EPPK1: variants seen among roughly 807,000 people sequenced by gnomAD.
EPPK1 encodes the protein epiplakin 1.
For missense variants in EPPK1, 3,823 were observed against 3,673.3 expected, an observed-to-expected ratio of 1.04 and a Z score of -1.05; for synonymous variants, 1,862 against 1,721.2, an observed-to-expected ratio of 1.08 and a Z score of -2.03.
At position 143,872,371 on chromosome 8, in the gene EPPK1, C is replaced by G. The variant is rs369129283; in HGVS notation, c.883G>C (p.Glu295Gln). The change falls in exon 2 of 2, where the codon GAA becomes CAA. Residue 295 changes from glutamate to glutamine, a missense_variant. Transcript: ENST00000615648. ...GSVAGVVLLP[E>Q]GHKKSFFQAA... ...TGGAAAAAGCTCTTCTTGTGGCCTTCGGGCAGCAGGACAACCCCGGCCACG... is the reference window on the plus strand; with the variant it reads ...TGGAAAAAGCTCTTCTTGTGGCCTTGGGGCAGCAGGACAACCCCGGCCACG... The G allele has an allele frequency of 3.7e-6, 6 of 1,604,650 alleles. No individual in the cohort carries two copies. The highest frequency in any genetic ancestry group is 4.2e-6 in the Non-Finnish European group (5 of 1,178,942).
At position 143,868,972 on chromosome 8, in the gene EPPK1, C is replaced by A. The variant is rs376369201; in HGVS notation, c.4282G>T (p.Gly1428Ter). ...RERCVCDSET[G>*]LLLLPLPSDT... ...GAGGGCAGTGGCAACAGCAACAATC[C>A]GGTCTCGGAGTCGCACACGCAGCGC... is the stretch of plus-strand genomic sequence containing the variant. The change falls in exon 2 of 2, where the codon GGA becomes TGA. Residue 1428 changes from glycine (G) to a stop codon, truncating the protein, a stop_gained. Transcript: ENST00000615648. LOFTEE classifies it low-confidence loss of function (END_TRUNC). 1 of 1,610,286 alleles carries A rather than the reference C, an allele frequency of 6.2e-7. No homozygotes were observed. Among genetic ancestry groups the A allele is most frequent in the South Asian group, 1.1e-5 (1 of 91,084 alleles).
chr8:143,868,447 C>A lies in EPPK1; in HGVS notation c.4807G>T (p.Val1603Leu). ...RHILRPGTAL[V>L]LLEAQAATGF... ...GTAGCTGCCTGTGCCTCCAGCAGCACCAGGGCTGTGCCAGGCCGCAGGATG... is the reference window on the plus strand; with the variant it reads ...GTAGCTGCCTGTGCCTCCAGCAGCAACAGGGCTGTGCCAGGCCGCAGGATG... Residue 1603 changes from valine (V) to leucine (L), a missense_variant, in exon 2 of 2, where the codon GTG becomes TTG. Transcript: ENST00000615648. The A allele has an allele frequency of 6.2e-7, 1 of 1,612,580 alleles. No homozygotes were observed. Among genetic ancestry groups the A allele is most frequent in the Non-Finnish European group, 8.5e-7 (1 of 1,179,792 alleles).
chr8:143,870,079 G>T lies in EPPK1; in HGVS notation c.3175C>A (p.Pro1059Thr). The T allele has an allele frequency of 6.2e-7, 1 of 1,610,742 alleles. No homozygotes were observed. Among genetic ancestry groups the T allele is most frequent in the South Asian group, 1.1e-5 (1 of 90,576 alleles). ...CCACGCTGAATGGCCACTGGCATGG[G>T]GAGGTGGTGGTGGCTGGTGGGGTCA... is the stretch of plus-strand genomic sequence containing the variant. ...IIDPTSHHHL[P>T]MPVAIQRGYV... The change falls in exon 2 of 2, where the codon CCC (proline) becomes ACC (threonine). Residue 1059 changes from proline to threonine, a missense_variant. Coordinates refer to ENST00000615648, the MANE Select transcript of EPPK1 (RefSeq NM_031308.4). The surrounding 1 kb of genome is among the most constrained non-coding windows in gnomAD (Gnocchi z 5.2).
rs10464954 is a variant in EPPK1, at chr8:143,874,636, G to A, written c.-45-1338C>T. ...CTCGCCTTCCGGCTTCTGGCCTCTA[G>A]AGCTGTGAGAGCAATTTCCTGCTCT... On this transcript the variant is annotated intron_variant, in intron 1 of 1. Coordinates refer to ENST00000615648, the MANE Select transcript of EPPK1 (RefSeq NM_031308.4). Among the ~76,000 whole-genome samples, 135 of 152,312 alleles carry A rather than the reference G, an allele frequency of 8.9e-4. 2 individuals are homozygous for A. The East Asian group carries it at 0.023, about 26-fold the overall frequency.
chr8:143,875,624 T>C (rs1235037123), intron 1 of EPPK1, among the ~76,000 whole-genome samples: 2 of 152,216 alleles, frequency 1.3e-5, no homozygotes, highest in Non-Finnish European at 2.9e-5. Flanking sequence ...TGGAGAAAGC[T>C]CACAAGAGGC....
chr8:143,876,721 C>A (rs577713576), intron 1 of EPPK1, among the ~76,000 whole-genome samples: 1 of 152,376 alleles, frequency 6.6e-6, no homozygotes, highest in South Asian at 2.1e-4. Flanking sequence ...CCTAAGGCAG[C>A]CACTCACTAT....
Position 143,866,386 on chromosome 8 carries a change from C to T in EPPK1, c.6868G>A (p.Gly2290Ser), listed in dbSNP as rs1819106904. ...TCCTGGATCTCGCCGCCCACCACGC[C>T]CGCGGCCACGGCCTCCTCCACCGAC... Reference protein sequence around the residue: ...RLSVEEAVAAGVVGGEIQEKL... With the variant: ...RLSVEEAVAASVVGGEIQEKL... The change falls in exon 2 of 2, where the codon GGC becomes AGC. Residue 2290 changes from glycine to serine, a missense_variant. Transcript: ENST00000615648. The T allele has an allele frequency of 5.1e-6, 5 of 983,384 alleles. No individual in the cohort carries two copies. Among genetic ancestry groups the T allele is most frequent in the South Asian group, 1.7e-5 (1 of 57,830 alleles). 60.9% of individuals were successfully genotyped at this position (983,384 alleles called of 1,614,324 possible). A position where few individuals can be genotyped will look rare whatever the true frequency, so the allele number is the denominator to read the frequency against.
Position 143,872,774 on chromosome 8 carries a change from C to T in EPPK1, c.480G>A (p.Leu160=), listed in dbSNP as rs1819399109. The T allele has an allele frequency of 1.3e-6, 2 of 1,580,638 alleles. No homozygotes were observed. The highest frequency in any genetic ancestry group is 8.6e-7 in the Non-Finnish European group (1 of 1,159,446). ...WLEVQLATGG[L]VDPAQGVLVA... is the part of the protein sequence containing the mutation. ...CGAGCACTCCCTGGGCGGGGTCCAC[C>T]AGGCCCCCAGTGGCCAGTTGGACCT... The change falls in exon 2 of 2, where the codon CTG becomes CTA. Residue 160 remains leucine (L), a synonymous_variant. Transcript: ENST00000615648.
chr8:143,871,133 C>T lies in EPPK1; in HGVS notation c.2121G>A (p.Gln707=), dbSNP rs1554661031. Residue 707 remains glutamine, a synonymous_variant, in exon 2 of 2, where the codon CAG becomes CAA. Coordinates refer to ENST00000615648, the MANE Select transcript of EPPK1 (RefSeq NM_031308.4). ...CGTGCTCCCGGACGATGAGGCCCTTCTGCATGGCCTGGAAGAGGGAGATCT... is the reference window on the plus strand; with the variant it reads ...CGTGCTCCCGGACGATGAGGCCCTTTTGCATGGCCTGGAAGAGGGAGATCT... The part of the protein sequence containing the change: ...GQQISLFQAM[Q]KGLIVREHGI... The T allele has an allele frequency of 4.3e-6, 7 of 1,613,104 alleles. No homozygotes were observed. Among genetic ancestry groups the T allele is most frequent in the Non-Finnish European group, 1.7e-6 (2 of 1,180,030 alleles).
At position 143,872,954 on chromosome 8, in the gene EPPK1, C is replaced by T; in HGVS notation, c.300G>A (p.Gln100=). The change falls in exon 2 of 2, where the codon CAG becomes CAA. Residue 100 remains glutamine, a synonymous_variant. Coordinates refer to ENST00000615648, the MANE Select transcript of EPPK1 (RefSeq NM_031308.4). ...TCAGCTCCAGCCCCACCAGACCCTG[C>T]TGCAGGGCCTTGGACACAGGGAGCA... is the stretch of plus-strand genomic sequence containing the variant. ...GQLLPVSKAL[Q]QGLVGLELKE... 1 of 1,608,234 alleles carries T rather than the reference C, an allele frequency of 6.2e-7. No individual in the cohort carries two copies. The highest frequency in any genetic ancestry group is 8.5e-7 in the Non-Finnish European group (1 of 1,177,100).
In EPPK1 at chr8:143,867,376, C is replaced by T. The variant is rs782393717; in HGVS notation, c.5878G>A (p.Val1960Met). ...AGCCTCTCCCGCAGCTCCTCGTTCA[C>T]CAGGCCCACATCCACAGCCTCATCC... ...SVDEAVDVGL[V>M]NEELRERLLK... Residue 1960 changes from valine (V) to methionine (M), a missense_variant, in exon 2 of 2, where the codon GTG (valine) becomes ATG (methionine). By Grantham distance (21) the Val-to-Met change is conservative. Transcript: ENST00000615648. 24 of 1,612,812 alleles carry T rather than the reference C, an allele frequency of 1.5e-5. No individual in the cohort carries two copies. In the Admixed American group the frequency reaches 1.7e-4, roughly 11 times the overall value.
Position 143,869,036 on chromosome 8 carries a change from G to A in EPPK1, c.4218C>T (p.Pro1406=). Residue 1406 remains proline (P), a synonymous_variant, in exon 2 of 2, where the codon CCC becomes CCT. Transcript: ENST00000615648. The stretch of plus-strand genomic sequence containing the variant: ...GGTAGGTCACCTGGTCCCGCGCACT[G>A]GGGTCAAAGAAGAACTTGTTGTCCT... The part of the protein sequence containing the change: ...VDKDNKFFFD[P]SARDQVTYQQ... 4.3e-6 allele frequency: 7 copies of A among 1,609,880 alleles called. No individual in the cohort carries two copies. The highest frequency in any genetic ancestry group is 5.1e-6 in the Non-Finnish European group (6 of 1,179,830).
chr8:143,873,449 A>C (rs1432799266), intron 1 of EPPK1, among the ~76,000 whole-genome samples, 151 bp from the exon 2 acceptor site: 1 of 152,012 alleles, frequency 6.6e-6, no homozygotes, highest in Non-Finnish European at 1.5e-5. Context: ...GAGTCTGCCC[A>C]GGAGCACTCT....
Position 143,869,725 on chromosome 8 carries a change from C to A in EPPK1, c.3529G>T (p.Ala1177Ser), listed in dbSNP as rs782431954. 6.3e-7 allele frequency: 1 copy of A among 1,599,262 alleles called. No individual in the cohort carries two copies. The highest frequency in any genetic ancestry group is 1.1e-5 in the South Asian group (1 of 88,640). ...TCCTGTACCCACCTCTGCACAGAGG[C>A]TAGCAGCTGTGGCACAGTGGTCCTC... is the stretch of plus-strand genomic sequence containing the variant. ...EGRTTVPQLL[A>S]SVQRWVQETK... Residue 1177 changes from alanine (A) to serine (S), a missense_variant, in exon 2 of 2, where the codon GCC (alanine) becomes TCC (serine). Physicochemically the swap from Ala to Ser is moderately conservative, Grantham distance 99 (BLOSUM62 1). Transcript: ENST00000615648.
intron 1 of EPPK1, among the ~76,000 whole-genome samples, chr8:143,876,695 C>G (rs1554662338): frequency 6.6e-6 from 1 of 152,256 alleles, no homozygotes; most frequent in Non-Finnish European, 1.5e-5. Flanking sequence ...TTCCAGGACC[C>G]TCCAGGATCT....
intron 1 of EPPK1, among the ~76,000 whole-genome samples, chr8:143,877,914 A>G (rs1204612835): frequency 1.3e-5 from 2 of 151,574 alleles, no homozygotes; most frequent in African/African-American, 4.9e-5. Context: ...CGCTTACCTG[A>G]CCCGGAGTGG....
rs1342782503 is a variant in EPPK1 at position 143,870,378 on chromosome 8, A to C, written c.2876T>G (p.Val959Gly). 1 of 1,567,360 alleles carries C rather than the reference A, an allele frequency of 6.4e-7. No homozygotes were observed. The highest frequency in any genetic ancestry group is 1.4e-5 in the African/African-American group (1 of 73,478). ...CTGGGCCTCCAGCAGGGCCAGGGCC[A>C]CCCTGGGCCCCAGCAGCTTCTGCCT... ...AMRQKLLGPR[V>G]ALALLEAQAA... is the part of the protein sequence containing the mutation. Residue 959 changes from valine to glycine, a missense_variant, in exon 2 of 2, where the codon GTG becomes GGG. Coordinates refer to ENST00000615648, the MANE Select transcript of EPPK1 (RefSeq NM_031308.4). This position sits in a 1 kb window ranked among gnomAD's most constrained non-coding sequence, Gnocchi z 5.2.
chr8:143,865,871 G>C lies in EPPK1; in HGVS notation c.7383C>G (p.Arg2461=). 4.8e-5 allele frequency: 1 copy of C among 20,784 alleles called. No individual in the cohort carries two copies. Among genetic ancestry groups the C allele is most frequent in the Non-Finnish European group, 7.2e-5 (1 of 13,826 alleles). 1.3% of individuals were successfully genotyped at this position (20,784 alleles called of 1,614,324 possible). ...CCTGGCGCCGGTCCTCGGACACCTC[G>C]CGGTAGAAGAGGAGCTCCCAGACGG... ...SVSVWELLFY[R]EVSEDRRQDL... The change falls in exon 2 of 2, where the codon CGC becomes CGG. Residue 2461 remains arginine (R), a synonymous_variant. Coordinates refer to ENST00000615648, the MANE Select transcript of EPPK1 (RefSeq NM_031308.4).
rs782787237 is a variant in EPPK1 at position 143,867,874 on chromosome 8, C to G, written c.5380G>C (p.Val1794Leu). 1 of 1,613,194 alleles carries G rather than the reference C, an allele frequency of 6.2e-7. No individual in the cohort carries two copies. The highest frequency in any genetic ancestry group is 2.2e-5 in the East Asian group (1 of 44,884). The change falls in exon 2 of 2, where the codon GTC becomes CTC. Residue 1794 changes from valine to leucine, a missense_variant. Transcript: ENST00000615648. ...GAGGACAGCAGGTCCCAGAAAGAGA[C>G]CACCTGGTCAGCAAACCTCCCCACG... is the stretch of plus-strand genomic sequence containing the variant. ...MRVGRFADQV[V>L]SFWDLLSSPY...
Sources: allele counts gnomAD v4.1 joint callset (sites outside exome capture counted in the v4.1 genomes callset), GRCh38; gene constraint gnomAD v4.1.1; non-coding constraint Gnocchi (gnomAD v3.1); transcripts MANE v1.5; gene names NCBI Gene and HGNC (gene_info 2026-07-23, HGNC 2026-07-21).